Variants in ADCK2 observed in about 807,000 individuals in gnomAD.
The protein encoded by ADCK2 is aarF domain containing kinase 2.
A neutral mutation model predicts 52.3 loss-of-function variants in ADCK2; 37 were observed. The observed-to-expected ratio is 0.71, with a 90% CI of 0.54 to 0.93. ADCK2 has a LOEUF of 0.93. Ranked by LOEUF, ADCK2 falls within the 40% of genes least tolerant of loss-of-function variation. ADCK2 has a pLI of 0.00. For missense variants in ADCK2, 695 were observed against 798.7 expected, an observed-to-expected ratio of 0.87 and a Z score of 1.56; for synonymous variants, 321 against 349.2, an observed-to-expected ratio of 0.92 and a Z score of 0.90.
At chr7:140,683,436 G>A (rs1028436565) in intron 4 of ADCK2, among the ~76,000 whole-genome samples, 1 of 152,140 alleles carries the variant, frequency 6.6e-6, no homozygotes, top group African/African-American at 2.4e-5. Flanking sequence ...TTGATTCTTG[G>A]ACATTTAAAC....
At chr7:140,689,143 T>C (rs1448095054) in intron 5 of ADCK2, among the ~76,000 whole-genome samples, 1 of 151,960 alleles carries the variant, frequency 6.6e-6, no homozygotes, top group East Asian at 1.9e-4. Context: ...AATTTTTGTA[T>C]TTTTAGTAGA....
In ADCK2 at chr7:140,687,110, C is replaced by T; in HGVS notation, c.1426C>T (p.Leu476=). The change falls in exon 5 of 8, where the codon CTG becomes TTG. Residue 476 remains leucine (L), a synonymous_variant. Transcript: ENST00000072869. Reference sequence around the variant, plus strand: ...GCAGCAGGCGGACATCTGTGACACTCTGGTGGTGGCCGTGCCATCTTCCCT... The same window carrying T: ...GCAGCAGGCGGACATCTGTGACACTTTGGTGGTGGCCGTGCCATCTTCCCT... ...QLQQADICDT[L]VVAVPSSLCP... 1 of 1,613,934 alleles carries T rather than the reference C, an allele frequency of 6.2e-7. No individual in the cohort carries two copies. Among genetic ancestry groups the T allele is most frequent in the Non-Finnish European group, 8.5e-7 (1 of 1,180,038 alleles).
Position 140,674,033 on chromosome 7 carries a change from G to C in ADCK2, c.703G>C (p.Ala235Pro), listed in dbSNP as rs1237618441. ...ETDSVQRLGR[A>P]SCLPPFSHTG... ...TGACAGCGTCCAGAGACTTGGCAGG[G>C]CCTCCTGTCTGCCGCCCTTCTCACA... Residue 235 changes from alanine to proline, a missense_variant, in exon 1 of 8, where the codon GCC (alanine) becomes CCC (proline). Ala to Pro is a conservative substitution (Grantham distance 27). Coordinates refer to ENST00000072869, the MANE Select transcript of ADCK2 (RefSeq NM_052853.4). This position sits in a 1 kb window ranked among gnomAD's most constrained non-coding sequence, Gnocchi z 4.6. The C allele has an allele frequency of 6.2e-7, 1 of 1,614,136 alleles. No homozygotes were observed. Among genetic ancestry groups the C allele is most frequent in the Non-Finnish European group, 8.5e-7 (1 of 1,180,038 alleles).
rs1801685145 is a variant in ADCK2 at position 140,673,984 on chromosome 7, CGCCAACA to C, written c.655_661del (p.Ala219LeufsTer30). ...GCGTGGCCCAGGTGTACAAAGCATA[CGCCAACA>C]CTGCCTTCCTGGAGACTGACAGCGT... On this transcript the variant is annotated frameshift_variant, in exon 1 of 8. Transcript: ENST00000072869. LOFTEE classifies it high-confidence loss of function. This position sits in a 1 kb window ranked among gnomAD's most constrained non-coding sequence, Gnocchi z 6.4. 1 of 1,613,950 alleles carries C rather than the reference CGCCAACA, an allele frequency of 6.2e-7. No individual in the cohort carries two copies. The highest frequency in any genetic ancestry group is 1.3e-5 in the African/African-American group (1 of 74,926).
rs55922126 is a variant in ADCK2, at chr7:140,694,799, C to T, written c.1877C>T (p.Pro626Leu). Residue 626 changes from proline to leucine, a missense_variant, in exon 8 of 8, where the codon CCG becomes CTG. Transcript: ENST00000072869. The part of the protein sequence containing the change: ...PFLLTGPVCP[P>L] Reference sequence around the variant, plus strand: ...CTCCTCACGGGCCCAGTGTGCCCCCCGTGATGGGGCAGTGGCCTCTGTGGG... The same window carrying T: ...CTCCTCACGGGCCCAGTGTGCCCCCTGTGATGGGGCAGTGGCCTCTGTGGG... 1.7e-3 allele frequency: 2,758 copies of T among 1,612,238 alleles called. 29 individuals carry two copies. Among genetic ancestry groups the T allele is most frequent in the South Asian group, 0.015 (1,365 of 90,684 alleles).
At chr7:140,685,665 G>A (rs1050720296) in intron 4 of ADCK2, among the ~76,000 whole-genome samples, 9 of 152,004 alleles carry the variant, frequency 5.9e-5, no homozygotes, top group African/African-American at 1.9e-4. Context: ...ATGGTCTGCC[G>A]CCATAAGGGA....
Position 140,693,931 on chromosome 7 carries a change from G to A in ADCK2, c.1741-732G>A, listed in dbSNP as rs12532682. Among the ~76,000 whole-genome samples, 30 of 151,958 alleles carry A rather than the reference G, an allele frequency of 2.0e-4. 1 individual carries two copies. The highest frequency in any genetic ancestry group is 6.8e-4 in the African/African-American group (28 of 41,378). On this transcript the variant is annotated intron_variant, in intron 7 of 7. Transcript: ENST00000072869. This position sits in a 1 kb window ranked among gnomAD's most constrained non-coding sequence, Gnocchi z 4.0. ...TCACTGTGTCAGCCAGGATGGTCTC[G>A]ATCTCCTGACCTCATGATCCGCCCG... is the stretch of plus-strand genomic sequence containing the variant.
Position 140,693,814 on chromosome 7 carries a change from A to G in ADCK2, c.1741-849A>G, listed in dbSNP as rs1247412576. Among the ~76,000 whole-genome samples the G allele has an allele frequency of 3.9e-5, 6 of 152,096 alleles. No homozygotes were observed. Among genetic ancestry groups the G allele is most frequent in the Non-Finnish European group, 8.8e-5 (6 of 68,000 alleles). On this transcript the variant is annotated intron_variant, in intron 7 of 7. Coordinates refer to ENST00000072869, the MANE Select transcript of ADCK2 (RefSeq NM_052853.4). This position sits in a 1 kb window ranked among gnomAD's most constrained non-coding sequence, Gnocchi z 4.0. ...AAGCTCTGCCTCCCGAGTTCAGGCC[A>G]TTCTCCTGCCTCAGCCTCCCGAGTA...
In ADCK2 at chr7:140,678,482, G is replaced by T. The variant is rs976721958; in HGVS notation, c.1081-673G>T. The stretch of plus-strand genomic sequence containing the variant: ...CAAGGGGACACACACGCTCACTTCG[G>T]TCAGGAGAAAGGACATCAGCTCCTG... On this transcript the variant is annotated intron_variant, in intron 2 of 7. Transcript: ENST00000072869. This position sits in a 1 kb window ranked among gnomAD's most constrained non-coding sequence, Gnocchi z 4.9. Among the ~76,000 whole-genome samples the T allele has an allele frequency of 1.3e-5, 2 of 152,152 alleles. No individual in the cohort carries two copies. The highest frequency in any genetic ancestry group is 6.5e-5 in the Admixed American group (1 of 15,286).
In ADCK2 at chr7:140,673,137, G is replaced by A; in HGVS notation, c.-194G>A. 3.3e-6 allele frequency: 1 copy of A among 305,380 alleles called. No individual in the cohort carries two copies. The highest frequency in any genetic ancestry group is 5.9e-6 in the Non-Finnish European group (1 of 168,420). 18.9% of individuals were successfully genotyped at this position (305,380 alleles called of 1,614,324 possible). A position where few individuals can be genotyped will look rare whatever the true frequency, so the allele number is the denominator to read the frequency against. ...CCTTCCGCGCGGCGCGGCGCGGCGCGGCGGGTGTCGGGCGGGGCGCGGGCC... is the reference window on the plus strand; with the variant it reads ...CCTTCCGCGCGGCGCGGCGCGGCGCAGCGGGTGTCGGGCGGGGCGCGGGCC... On this transcript the variant is annotated 5_prime_UTR_variant, in exon 1 of 8. Coordinates refer to ENST00000072869, the MANE Select transcript of ADCK2 (RefSeq NM_052853.4). The surrounding 1 kb of genome is among the most constrained non-coding windows in gnomAD (Gnocchi z 6.4).
intron 3 of ADCK2, among the ~76,000 whole-genome samples, chr7:140,679,726 G>T (rs1438358789): frequency 7.5e-6 from 1 of 133,952 alleles, no homozygotes; most frequent in African/African-American, 2.8e-5. Flanking sequence ...AGGCTGGAGT[G>T]CAGTGGCATG....
chr7:140,689,250 G>A (rs1233229887), intron 5 of ADCK2, among the ~76,000 whole-genome samples: 2 of 152,050 alleles, frequency 1.3e-5, no homozygotes, highest in African/African-American at 2.4e-5. Flanking sequence ...TTACATGTGT[G>A]AGCCACTGCA....
chr7:140,673,486 C>T lies in ADCK2; in HGVS notation c.156C>T (p.Ser52=), dbSNP rs1311664573. 2 of 1,607,212 alleles carry T rather than the reference C, an allele frequency of 1.2e-6. No individual in the cohort carries two copies. The highest frequency in any genetic ancestry group is 1.7e-6 in the Non-Finnish European group (2 of 1,178,084). ...TGGGCACTTTGCCCAAGGTCGTCTCCCTGTGCGGGGACGTGGGTGAGGGGG... is the reference window on the plus strand; with the variant it reads ...TGGGCACTTTGCCCAAGGTCGTCTCTCTGTGCGGGGACGTGGGTGAGGGGG... ...LLLGTLPKVV[S]LCGDVGEGAP... The change falls in exon 1 of 8, where the codon TCC becomes TCT. Residue 52 remains serine, a synonymous_variant. Transcript: ENST00000072869. This position sits in a 1 kb window ranked among gnomAD's most constrained non-coding sequence, Gnocchi z 6.4.
At chr7:140,688,798 T>C (rs973921311) in intron 5 of ADCK2, among the ~76,000 whole-genome samples, 3 of 152,074 alleles carry the variant, frequency 2.0e-5, no homozygotes, top group African/African-American at 7.2e-5. Flanking sequence ...GGGTCTGCAG[T>C]GGTTGAGAAT....
chr7:140,677,840 G>C (rs759395029), intron 2 of ADCK2, among the ~76,000 whole-genome samples: 9 of 152,130 alleles, frequency 5.9e-5, no homozygotes, highest in African/African-American at 1.4e-4. Context: ...TGGACCAAGT[G>C]GGGGAATAAC....
intron 4 of ADCK2, among the ~76,000 whole-genome samples, chr7:140,682,275 A>G (rs1794529535): frequency 6.6e-6 from 1 of 152,218 alleles, no homozygotes; most frequent in Admixed American, 6.5e-5. Context: ...TTCACTCAGG[A>G]AGTGGCTCCA....
In ADCK2 at chr7:140,674,329, A is replaced by G; in HGVS notation, c.933+66A>G. The G allele has an allele frequency of 6.8e-7, 1 of 1,470,638 alleles. No homozygotes were observed. Among genetic ancestry groups the G allele is most frequent in the Middle Eastern group, 1.8e-4 (1 of 5,584 alleles). 91.1% of individuals were successfully genotyped at this position (1,470,638 alleles called of 1,614,324 possible). On this transcript the variant is annotated intron_variant, in intron 1 of 7. Coordinates refer to ENST00000072869, the MANE Select transcript of ADCK2 (RefSeq NM_052853.4). The surrounding 1 kb of genome is among the most constrained non-coding windows in gnomAD (Gnocchi z 4.6). ...CTATCCCAGATCAGAAACAACCGCC[A>G]TGCAAATCGCCCCCACGTTTATTTC...
At chr7:140,686,748 T>C (rs1208224453) in intron 4 of ADCK2, among the ~76,000 whole-genome samples, 1 of 152,208 alleles carries the variant, frequency 6.6e-6, no homozygotes, top group Non-Finnish European at 1.5e-5. Context: ...GACCGGCCCC[T>C]TTATAATCTT....
chr7:140,688,537 T>C (rs575898450), intron 5 of ADCK2, among the ~76,000 whole-genome samples: 2 of 152,238 alleles, frequency 1.3e-5, no homozygotes, highest in Non-Finnish European at 2.9e-5. Context: ...GGTTTGGGAC[T>C]GTGGGAAGAA....
Sources: gnomAD v4.1 joint callset for allele counts (sites outside exome capture counted in the v4.1 genomes callset) on GRCh38, gnomAD v4.1.1 for gene constraint, Gnocchi (gnomAD v3.1) non-coding constraint, MANE v1.5 for transcripts, NCBI Gene and HGNC (gene_info 2026-07-23, HGNC 2026-07-21) for gene names.